FBRSL1: variants seen among roughly 807,000 people sequenced by gnomAD.
FBRSL1 encodes the protein fibrosin like 1.
FBRSL1 carries 51 observed loss-of-function variants against 89.6 expected under a neutral mutation model. The observed-to-expected ratio is 0.57, with a 90% CI of 0.45 to 0.72. FBRSL1 has a LOEUF of 0.72. Ranked by LOEUF, FBRSL1 falls within the 30% of genes least tolerant of loss-of-function variation. FBRSL1 has a pLI of 0.00. For missense variants in FBRSL1, 1,618 were observed against 1,451.8 expected, an observed-to-expected ratio of 1.11 and a Z score of -1.86; for synonymous variants, 779 against 681.1, an observed-to-expected ratio of 1.14 and a Z score of -2.24.
intron 14 of FBRSL1, 81 bp downstream of exon 14, chr12:132,574,645 G>C: frequency 6.7e-7 from 1 of 1,493,350 alleles, no homozygotes; most frequent in Non-Finnish European, 8.9e-7. Flanking sequence ...GCATGAGGCT[G>C]TGTGTGTTCA....
At chr12:132,574,273 G>A (rs1340429790) in intron 12 of FBRSL1, 46 bp from the exon 13 acceptor site, 2 of 1,483,624 alleles carry the variant, frequency 1.3e-6, no homozygotes, top group South Asian at 2.8e-5. Flanking sequence ...CCAGGACTCA[G>A]CCTCCTGAGG....
chr12:132,537,310 G>A (rs1352387487), intron 4 of FBRSL1, among the ~76,000 whole-genome samples: 3 of 152,126 alleles, frequency 2.0e-5, no homozygotes, highest in African/African-American at 2.4e-5. Flanking sequence ...TGTGTGAGTC[G>A]GGCCGAGCCC....
intron 1 of FBRSL1, among the ~76,000 whole-genome samples, chr12:132,505,753 G>A (rs2136520695): frequency 6.6e-6 from 1 of 152,342 alleles, no homozygotes; most frequent in East Asian, 1.9e-4. Context: ...TCTGAAACCT[G>A]CCAGGCGAAG....
chr12:132,556,191 C>T (rs923669250), intron 5 of FBRSL1, among the ~76,000 whole-genome samples: 4 of 152,156 alleles, frequency 2.6e-5, no homozygotes, highest in Admixed American at 6.5e-5. Flanking sequence ...CCCGACATTC[C>T]GGGTGGAGAT....
At chr12:132,569,853 A>G in intron 6 of FBRSL1, 73 bp from the exon 7 acceptor site, 1 of 1,205,558 alleles carries the variant, frequency 8.3e-7, no homozygotes, top group South Asian at 2.2e-5. Flanking sequence ...GGCACGTACC[A>G]GGGCTCCCTG....
intron 2 of FBRSL1, chr12:132,510,844 G>A: frequency 2.8e-6 from 3 of 1,067,994 alleles, no homozygotes; most frequent in Non-Finnish European, 3.4e-6. Flanking sequence ...GCGTCTTTCT[G>A]TGCCTCTGAA....
intron 2 of FBRSL1, among the ~76,000 whole-genome samples, chr12:132,516,735 G>A (rs144045574): frequency 3.9e-5 from 6 of 152,250 alleles, no homozygotes; most frequent in African/African-American, 1.4e-4. Context: ...TAAATAACTT[G>A]CCCAAGGTTC....
intron 2 of FBRSL1, among the ~76,000 whole-genome samples, chr12:132,516,967 C>T (rs990691776): frequency 2.6e-5 from 4 of 152,234 alleles, no homozygotes; most frequent in African/African-American, 9.6e-5. Context: ...ATGATGATAT[C>T]GATTCCTGCT....
intron 11 of FBRSL1, 40 bp downstream of exon 11, chr12:132,572,662 G>A: frequency 1.4e-6 from 2 of 1,444,598 alleles, no homozygotes; most frequent in Non-Finnish European, 1.9e-6. Flanking sequence ...CACAGCGGGT[G>A]GGTGGATTTT....
chr12:132,576,765 G>C, intron 14 of FBRSL1, 34 bp from the exon 15 acceptor site: 4 of 1,540,134 alleles, frequency 2.6e-6, no homozygotes, highest in Non-Finnish European at 3.5e-6. Flanking sequence ...GCCAGTCCCC[G>C]GGCAGGCGGC....
chr12:132,574,103 T>G lies in FBRSL1; in HGVS notation c.1544T>G (p.Ile515Ser). ...GAFQPKTSSP[I>S]EVARRAGAVH... ...TTCTCCCCTCAGACTTCAAGCCCCA[T>G]TGAGGTGGCCCGCCGGGCTGGTGCG... Residue 515 changes from isoleucine (I) to serine (S), a missense_variant, in exon 12 of 19, where the codon ATT becomes AGT. Transcript: ENST00000680143. 207 of 1,311,590 alleles carry G rather than the reference T, an allele frequency of 1.6e-4. No individual in the cohort carries two copies. The highest frequency in any genetic ancestry group is 5.7e-4 in the East Asian group (17 of 29,716). 81.2% of individuals were successfully genotyped at this position (1,311,590 alleles called of 1,614,324 possible).
At position 132,511,471 on chromosome 12, in the gene FBRSL1, G is replaced by A. The variant is rs898633952; in HGVS notation, c.489+3121G>A. On this transcript the variant is annotated intron_variant, in intron 2 of 18. Coordinates refer to ENST00000680143, the MANE Select transcript of FBRSL1 (RefSeq NM_001367871.1). ...ACCTGGTCTCAAGGCAGCCCCACTC[G>A]AGTCTTCTGGAGTCCAAGGCACGCC... 2.9e-5 allele frequency: 29 copies of A among 985,740 alleles called. No homozygotes were observed. In the South Asian group the frequency reaches 3.3e-4, roughly 11 times the overall value. 61.1% of individuals were successfully genotyped at this position (985,740 alleles called of 1,614,324 possible). A position where few individuals can be genotyped will look rare whatever the true frequency, so the allele number is the denominator to read the frequency against.
chr12:132,583,268 C>G lies in FBRSL1; in HGVS notation c.2499C>G (p.Pro833=). 2 of 1,298,450 alleles carry G rather than the reference C, an allele frequency of 1.5e-6. No individual in the cohort carries two copies. Among genetic ancestry groups the G allele is most frequent in the South Asian group, 1.9e-5 (1 of 53,924 alleles). 80.4% of individuals were successfully genotyped at this position (1,298,450 alleles called of 1,614,324 possible). A position where few individuals can be genotyped will look rare whatever the true frequency, so the allele number is the denominator to read the frequency against. The part of the protein sequence containing the change: ...ASEPPAGGLH[P]APLQLGLGRE... Reference sequence around the variant, plus strand: ...AGCCCCCGGCGGGCGGCCTGCACCCCGCGCCCCTGCAGCTCGGCCTGGGCC... The same window carrying G: ...AGCCCCCGGCGGGCGGCCTGCACCCGGCGCCCCTGCAGCTCGGCCTGGGCC... Residue 833 remains proline, a synonymous_variant, in exon 19 of 19, where the codon CCC becomes CCG. Coordinates refer to ENST00000680143, the MANE Select transcript of FBRSL1 (RefSeq NM_001367871.1).
At chr12:132,547,914 G>C in intron 4 of FBRSL1, 89 bp from the exon 5 acceptor site, 1 of 1,435,896 alleles carries the variant, frequency 7.0e-7, no homozygotes. Context: ...CGCCCCACCC[G>C]TGCCCCTGCA....
At chr12:132,504,536 C>T (rs188039085) in intron 1 of FBRSL1, among the ~76,000 whole-genome samples, 3 of 152,184 alleles carry the variant, frequency 2.0e-5, no homozygotes, top group Non-Finnish European at 2.9e-5. Context: ...GCCTCCACCG[C>T]GCCTTCTTGG....
intron 4 of FBRSL1, among the ~76,000 whole-genome samples, chr12:132,536,162 G>GGC (rs2036718740): frequency 1.6e-5 from 1 of 61,326 alleles, no homozygotes; most frequent in Non-Finnish European, 3.0e-5. Context: ...ACGTGTGCAT[G>GGC]ACTGTGTACA....
chr12:132,580,669 A>AGAAG (rs2040683306), intron 15 of FBRSL1: 4 of 556,198 alleles, frequency 7.2e-6, no homozygotes, highest in Non-Finnish European at 9.1e-6. Flanking sequence ...TGGAGACCAG[A>AGAAG]AGCTCTGAAT....
chr12:132,579,985 G>A (rs1035153651), intron 15 of FBRSL1, among the ~76,000 whole-genome samples: 8 of 152,146 alleles, frequency 5.3e-5, no homozygotes, highest in Non-Finnish European at 7.3e-5. Context: ...CATCCGTCAC[G>A]CCTGAACTCC....
At chr12:132,495,504 C>T (rs990721888) in intron 1 of FBRSL1, among the ~76,000 whole-genome samples, 8 of 152,204 alleles carry the variant, frequency 5.3e-5, no homozygotes, top group African/African-American at 1.9e-4. Flanking sequence ...GTGAGGAGAG[C>T]CAGGGAGAGG....
Sources: gnomAD v4.1 joint callset for allele counts (sites outside exome capture counted in the v4.1 genomes callset) on GRCh38, gnomAD v4.1.1 for gene constraint, MANE v1.5 for transcripts, NCBI Gene and HGNC (gene_info 2026-07-23, HGNC 2026-07-21) for gene names.